RAP1GAP: variants seen among roughly 807,000 people sequenced by gnomAD.
RAP1GAP encodes the protein rap1 GTPase-activating protein 1.
In RAP1GAP, 35 loss-of-function variants were observed where a neutral mutation model predicts 87.2. The observed-to-expected ratio is 0.40, with a 90% confidence interval of 0.31 to 0.53. The LOEUF (loss-of-function observed/expected upper bound fraction) is 0.53. Ranked by LOEUF, RAP1GAP falls within the 20% of genes least tolerant of loss-of-function variation. The pLI is 0.48. For synonymous variants in RAP1GAP, 375 were observed against 363.9 expected, an observed-to-expected ratio of 1.03 and a Z score of -0.35; for missense variants, 734 against 898.9, an observed-to-expected ratio of 0.82 and a Z score of 2.35.
intron 2 of RAP1GAP, among the ~76,000 whole-genome samples, chr1:21,647,772 T>G (rs1250115301): frequency 6.6e-6 from 1 of 152,130 alleles, no homozygotes. Context: ...AGAGGAGGCA[T>G]TCTAAAGAGG....
chr1:21,651,925 A>C (rs2096605922), intron 1 of RAP1GAP: 26 of 929,338 alleles, frequency 2.8e-5, no homozygotes, highest in Non-Finnish European at 3.2e-5. Context: ...CCCCCGCCCC[A>C]GCTCGGATAC....
chr1:21,614,238 C>T, intron 7 of RAP1GAP, 149 bp from the exon 8 acceptor site: 2 of 594,868 alleles, frequency 3.4e-6, no homozygotes, highest in East Asian at 5.7e-5. Flanking sequence ...TCAGACAGAC[C>T]TGCACTCAAA....
intron 13 of RAP1GAP, 137 bp from the exon 14 acceptor site, chr1:21,610,412 C>A: frequency 3.3e-6 from 3 of 908,398 alleles, no homozygotes; most frequent in Admixed American, 2.8e-5. Flanking sequence ...AATAATGTAG[C>A]AAAAAAACTT....
chr1:21,616,668 G>A (rs2082372905), intron 7 of RAP1GAP, among the ~76,000 whole-genome samples: 2 of 152,236 alleles, frequency 1.3e-5, no homozygotes, highest in Admixed American at 1.3e-4. Flanking sequence ...ACTCTGACAA[G>A]TTGTTGCTGG....
At chr1:21,646,886 TGA>T (rs2096101030) in intron 2 of RAP1GAP, among the ~76,000 whole-genome samples, 1 of 152,178 alleles carries the variant, frequency 6.6e-6, no homozygotes, top group Non-Finnish European at 1.5e-5. Flanking sequence ...GACAACCTGC[TGA>T]GAGGGGTTAG....
chr1:21,619,951 G>C (rs1469673475), intron 4 of RAP1GAP, 64 bp downstream of exon 4: 11 of 1,551,184 alleles, frequency 7.1e-6, no homozygotes, highest in Non-Finnish European at 8.9e-6. Context: ...TGCAGCAAGG[G>C]CCCCCCAGCC....
intron 1 of RAP1GAP, among the ~76,000 whole-genome samples, chr1:21,650,428 G>A (rs948706191): frequency 8.9e-4 from 136 of 152,248 alleles, no homozygotes; most frequent in African/African-American, 3.0e-3. Context: ...GGACGCATGT[G>A]TGGGTAGCAC....
rs1425947338 is a variant in RAP1GAP at position 21,603,497 on chromosome 1, G to T, written c.1429-584C>A. ...GGCGGGGAGGAGGAGTCAGGGCAGA[G>T]GAGAGGGATGGCGCTCCATGCAGAC... On this transcript the variant is annotated intron_variant, in intron 18 of 24. Transcript: ENST00000374765. The surrounding 1 kb of genome is among the most constrained non-coding windows in gnomAD (Gnocchi z 6.0). 2 of 597,882 alleles carry T rather than the reference G, an allele frequency of 3.3e-6. No homozygotes were observed. The highest frequency in any genetic ancestry group is 6.0e-6 in the Non-Finnish European group (2 of 333,316). 37.0% of individuals were successfully genotyped at this position (597,882 alleles called of 1,614,324 possible). A position where few individuals can be genotyped will look rare whatever the true frequency, so the allele number is the denominator to read the frequency against.
rs1419891291 is a variant in RAP1GAP, at chr1:21,604,881, ATGGATGGG to A, written c.1428+1177_1428+1184del. 1.2e-4 allele frequency among the ~76,000 whole-genome samples: 16 copies of A among 133,054 alleles called. No individual in the cohort carries two copies. In the East Asian group the frequency reaches 1.9e-3, roughly 16 times the overall value. The allele number at this position is 133,054 out of a possible 152,430, so 87.3% of individuals were successfully genotyped here. ...GATGGATGGATGGATGGATGGATGG[ATGGATGGG>A]TGGATGGGTGGGTGGATGGATGGAT... is the stretch of plus-strand genomic sequence containing the variant. On this transcript the variant is annotated intron_variant, in intron 18 of 24. Transcript: ENST00000374765.
chr1:21,665,254 T>C (rs1236972043), intron 1 of RAP1GAP: 2 of 517,680 alleles, frequency 3.9e-6, no homozygotes, highest in Non-Finnish European at 7.7e-6. Flanking sequence ...GAATTCGAAC[T>C]TGGGTCTGCT....
chr1:21,638,541 G>C (rs1195244772), intron 2 of RAP1GAP, among the ~76,000 whole-genome samples: 2 of 151,912 alleles, frequency 1.3e-5, no homozygotes, highest in African/African-American at 4.8e-5. Flanking sequence ...TTTTGAGTGG[G>C]ATGAAGCCCA....
rs947001245 is a variant in RAP1GAP at position 21,609,057 on chromosome 1, G to A, written c.1072-121C>T. ...GAACCATGCTCTGCTGGGGCCTGGG[G>A]TCACCCTCTTCACTCCCAAAAGGGT... On this transcript the variant is annotated intron_variant, in intron 15 of 24. Transcript: ENST00000374765. The surrounding 1 kb of genome is among the most constrained non-coding windows in gnomAD (Gnocchi z 4.4). The A allele has an allele frequency of 1.2e-5, 10 of 854,116 alleles. No individual in the cohort carries two copies. Among genetic ancestry groups the A allele is most frequent in the Non-Finnish European group, 1.9e-5 (10 of 517,250 alleles). The allele number at this position is 854,116 out of a possible 1,614,324, so 52.9% of individuals were successfully genotyped here. A position where few individuals can be genotyped will look rare whatever the true frequency, so the allele number is the denominator to read the frequency against.
intron 19 of RAP1GAP, 80 bp downstream of exon 19, chr1:21,602,724 C>G: frequency 7.7e-7 from 1 of 1,296,770 alleles, no homozygotes; most frequent in Non-Finnish European, 1.1e-6. Flanking sequence ...GCACTCCCTT[C>G]TGCCTGCCTT....
Position 21,611,598 on chromosome 1 carries a change from C to G in RAP1GAP, c.714-17G>C, listed in dbSNP as rs1042240678. 1.2e-6 allele frequency: 2 copies of G among 1,613,874 alleles called. No homozygotes were observed. Among genetic ancestry groups the G allele is most frequent in the African/African-American group, 1.3e-5 (1 of 74,940 alleles). ...CCTCGGAACCTGCCCCGGGGCCCCC[C>G]AGGCCACGCCTCAGTCTCCAGCCCT... is the stretch of plus-strand genomic sequence containing the variant. On this transcript the variant is annotated splice_polypyrimidine_tract_variant and intron_variant, in intron 12 of 24. Transcript: ENST00000374765.
chr1:21,632,071 C>T (rs1354977471), intron 2 of RAP1GAP, among the ~76,000 whole-genome samples: 1 of 152,228 alleles, frequency 6.6e-6, no homozygotes, highest in East Asian at 1.9e-4. Flanking sequence ...CCCAAGGTCA[C>T]ATGGAAAGCT....
chr1:21,668,960 CA>C lies in RAP1GAP; in HGVS notation c.-149+293del, dbSNP rs1361738238. 6.6e-6 allele frequency among the ~76,000 whole-genome samples: 1 copy of C among 151,730 alleles called. No individual in the cohort carries two copies. Among genetic ancestry groups the C allele is most frequent in the Non-Finnish European group, 1.5e-5 (1 of 67,788 alleles). ...CGGAAAACTGGACTCCCCACCCACC[CA>C]GGGGGGTGGGACCAAAGCCCCCTGG... On this transcript the variant is annotated intron_variant, in intron 1 of 24. Coordinates refer to ENST00000374765, the MANE Select transcript of RAP1GAP (RefSeq NM_002885.4). The surrounding 1 kb of genome is among the most constrained non-coding windows in gnomAD (Gnocchi z 6.2).
intron 3 of RAP1GAP, among the ~76,000 whole-genome samples, chr1:21,621,980 G>A (rs2088090282): frequency 6.6e-6 from 1 of 152,212 alleles, no homozygotes; most frequent in African/African-American, 2.4e-5. Flanking sequence ...ATGGGGTCCA[G>A]ATGGGGGGTG....
In RAP1GAP at chr1:21,598,410, G is replaced by T; in HGVS notation, c.1869C>A (p.Gly623=). ...GCCTTGTCCTGGTACCTGGGGAGCTGCCCCCACTAGTGGTGCTGACACTGT... is the reference window on the plus strand; with the variant it reads ...GCCTTGTCCTGGTACCTGGGGAGCTTCCCCCACTAGTGGTGCTGACACTGT... The part of the protein sequence containing the change: ...LEDSVSTTSG[G]SSPGPSRSPH... Residue 623 remains glycine, a synonymous_variant, in exon 22 of 25, where the codon GGC becomes GGA. Transcript: ENST00000374765. The T allele has an allele frequency of 2.5e-6, 4 of 1,613,046 alleles. No homozygotes were observed. Among genetic ancestry groups the T allele is most frequent in the East Asian group, 2.2e-5 (1 of 44,874 alleles).
chr1:21,653,634 ACCTTCCTCCCTC>A lies in RAP1GAP; in HGVS notation c.-148-3850_-148-3839del, dbSNP rs1265040921. ...TCCTTCCTAAGTAGTAGCAGCAACA[ACCTTCCTCCCTC>A]CCTTCCTCCCTCCCTCCTTCCTAAG... On this transcript the variant is annotated intron_variant, in intron 1 of 24. Coordinates refer to ENST00000374765, the MANE Select transcript of RAP1GAP (RefSeq NM_002885.4). 3.5e-5 allele frequency among the ~76,000 whole-genome samples: 5 copies of A among 143,378 alleles called. No individual in the cohort carries two copies. The South Asian group carries it at 1.1e-3, about 32-fold the overall frequency. 94.1% of individuals were successfully genotyped at this position (143,378 alleles called of 152,430 possible).
Sources: gnomAD v4.1 joint callset for allele counts (sites outside exome capture counted in the v4.1 genomes callset) on GRCh38, gnomAD v4.1.1 for gene constraint, Gnocchi (gnomAD v3.1) non-coding constraint, MANE v1.5 for transcripts, NCBI Gene and HGNC (gene_info 2026-07-23, HGNC 2026-07-21) for gene names.